AGO4: variants seen among roughly 807,000 people sequenced by gnomAD.
AGO4 encodes the protein argonaute RISC component 4.
AGO4 carries 33 observed loss-of-function variants against 104.7 expected under a neutral mutation model. That is an observed-to-expected ratio of 0.32 (90% confidence interval 0.24 to 0.42). AGO4 has a LOEUF of 0.42. Among genes scored for constraint, AGO4 ranks in the 10% least tolerant of loss-of-function variants. The pLI is 1.00. For missense variants in AGO4, 711 were observed against 1,083.4 expected (o/e 0.66, Z 4.83); for synonymous variants, 331 against 364.7 (o/e 0.91, Z 1.05).
rs1644839529 is a variant in AGO4, at chr1:35,857,438, TG to T, written c.*3834del. On this transcript the variant is annotated 3_prime_UTR_variant, in exon 18 of 18. Transcript: ENST00000373210. ...TTCATTTGACTAATGGTGTGATTTT[TG>T]TTTCTATATTATTAGACCTGTAATG... is the stretch of plus-strand genomic sequence containing the variant. 6.6e-6 allele frequency: 1 copy of T among 152,390 alleles called. No homozygotes were observed. The highest frequency in any genetic ancestry group is 1.9e-4 in the East Asian group (1 of 5,192). The allele number at this position is 152,390 out of a possible 1,614,324, so 9.4% of individuals were successfully genotyped here. A position where few individuals can be genotyped will look rare whatever the true frequency, so the allele number is the denominator to read the frequency against.
chr1:35,825,337 G>A lies in AGO4; in HGVS notation c.331G>A (p.Gly111Ser). 6.2e-7 allele frequency: 1 copy of A among 1,614,050 alleles called. No individual in the cohort carries two copies. Among genetic ancestry groups the A allele is most frequent in the Non-Finnish European group, 8.5e-7 (1 of 1,179,974 alleles). ...GGTTGATATGGAGGTGACTCTTCCA[G>A]GCGAGGGTAAAGACCAAACATTTAA... ...DRVDMEVTLP[G>S]EGKDQTFKVS... The change falls in exon 4 of 18, where the codon GGC becomes AGC. Residue 111 changes from glycine to serine, a missense_variant. Gly to Ser is a moderately conservative substitution (Grantham distance 56, BLOSUM62 0). This residue lies in a region of AGO4 where 308 missense variants were observed against 397.8 expected (regional missense o/e 0.77). Transcript: ENST00000373210.
At chr1:35,846,588 C>T (rs1321757945) in intron 15 of AGO4, among the ~76,000 whole-genome samples, 1 of 131,004 alleles carries the variant, frequency 7.6e-6, no homozygotes, top group Non-Finnish European at 1.6e-5. Flanking sequence ...CAGAGTGAGA[C>T]TCCATCTCAA....
In AGO4 at chr1:35,841,633, A is replaced by C; in HGVS notation, c.2058A>C (p.Leu686=). 6.2e-7 allele frequency: 1 copy of C among 1,614,066 alleles called. No homozygotes were observed. The highest frequency in any genetic ancestry group is 1.1e-5 in the South Asian group (1 of 91,080). ...GQMKQVAWPE[L]IAIRKACISL... ...TCTTCTAGGTAGCTTGGCCAGAACT[A>C]ATAGCAATTCGAAAGGCATGTATTA... The change falls in exon 15 of 18, where the codon CTA becomes CTC. Residue 686 remains leucine, a synonymous_variant. Coordinates refer to ENST00000373210, the MANE Select transcript of AGO4 (RefSeq NM_017629.4). The surrounding 1 kb of genome is among the most constrained non-coding windows in gnomAD (Gnocchi z 4.7).
At chr1:35,846,454 G>T (rs1306223382) in intron 15 of AGO4, among the ~76,000 whole-genome samples, 1 of 151,858 alleles carries the variant, frequency 6.6e-6, no homozygotes, top group Non-Finnish European at 1.5e-5. Flanking sequence ...AAAATTAGCC[G>T]GATGTGGTGG....
intron 2 of AGO4, among the ~76,000 whole-genome samples, chr1:35,820,036 G>C (rs1289966972): frequency 6.6e-6 from 1 of 152,166 alleles, no homozygotes; most frequent in Non-Finnish European, 1.5e-5. Flanking sequence ...GGAAGTATCA[G>C]CAGGAAGATT....
At chr1:35,814,116 A>T (rs1223420702) in intron 1 of AGO4, among the ~76,000 whole-genome samples, 2 of 151,482 alleles carry the variant, frequency 1.3e-5, no homozygotes, top group Non-Finnish European at 2.9e-5. Flanking sequence ...GAGAGAGAGA[A>T]AAAAGGAAGG....
At chr1:35,840,771 C>T (rs1244056709) in intron 13 of AGO4, among the ~76,000 whole-genome samples, 1 of 152,192 alleles carries the variant, frequency 6.6e-6, no homozygotes, top group African/African-American at 2.4e-5. Flanking sequence ...GCAGGCGCTG[C>T]CACGCTGGGC....
Position 35,808,897 on chromosome 1 carries a change from C to A in AGO4, c.19+462C>A, listed in dbSNP as rs1318344312. Among the ~76,000 whole-genome samples, 2 of 152,198 alleles carry A rather than the reference C, an allele frequency of 1.3e-5. No homozygotes were observed. The highest frequency in any genetic ancestry group is 2.9e-5 in the Non-Finnish European group (2 of 68,044). On this transcript the variant is annotated intron_variant, in intron 1 of 17. Transcript: ENST00000373210. This position sits in a 1 kb window ranked among gnomAD's most constrained non-coding sequence, Gnocchi z 5.2. ...CTTTGCACTGGCAGATGGTCCAGAGCCTTCAGATGAGGAAGAAGAACTTCA... is the reference window on the plus strand; with the variant it reads ...CTTTGCACTGGCAGATGGTCCAGAGACTTCAGATGAGGAAGAAGAACTTCA...
intron 2 of AGO4, among the ~76,000 whole-genome samples, chr1:35,821,511 T>C (rs547580795): frequency 2.6e-4 from 39 of 152,350 alleles, no homozygotes; most frequent in African/African-American, 8.9e-4. Context: ...TCTTAAACTC[T>C]ATACACCAGT....
At chr1:35,850,371 G>C in intron 16 of AGO4, 113 bp downstream of exon 16, 1 of 835,364 alleles carries the variant, frequency 1.2e-6, no homozygotes, top group South Asian at 1.4e-5. Flanking sequence ...GTTAATGCTT[G>C]TATCCTAGAA....
chr1:35,808,781 G>T lies in AGO4; in HGVS notation c.19+346G>T, dbSNP rs1045997474. Among the ~76,000 whole-genome samples, 1 of 152,216 alleles carries T rather than the reference G, an allele frequency of 6.6e-6. No individual in the cohort carries two copies. The highest frequency in any genetic ancestry group is 6.5e-5 in the Admixed American group (1 of 15,292). On this transcript the variant is annotated intron_variant, in intron 1 of 17. Transcript: ENST00000373210. The surrounding 1 kb of genome is among the most constrained non-coding windows in gnomAD (Gnocchi z 5.2). ...TCAGAAGGGGGCGATCCGCTACCCA[G>T]TGCGCGCGGAGGCCTGGCCCAGACC...
intron 1 of AGO4, among the ~76,000 whole-genome samples, chr1:35,809,719 T>C (rs961416309): frequency 2.0e-5 from 3 of 152,196 alleles, no homozygotes; most frequent in African/African-American, 7.2e-5. Flanking sequence ...AATGTAATAG[T>C]TGTATGACCC....
chr1:35,853,465 C>CTTTGTTTTGT (rs762527784), intron 17 of AGO4, 32 bp from the exon 18 acceptor site: 1 of 1,544,226 alleles, frequency 6.5e-7, no homozygotes, highest in Non-Finnish European at 8.8e-7. Flanking sequence ...GTTTGTTTTG[C>CTTTGTTTTGT]TTTGTTTTGT....
At chr1:35,807,996 C>G (rs1267508600), upstream of AGO4, among the ~76,000 whole-genome samples, 2 of 151,192 alleles carry the variant, frequency 1.3e-5, no homozygotes, top group Non-Finnish European at 3.0e-5. Context: ...CCGGGCTCTG[C>G]ACCCTCCGGG....
chr1:35,829,603 G>A (rs958183271), intron 7 of AGO4, among the ~76,000 whole-genome samples: 2 of 151,950 alleles, frequency 1.3e-5, no homozygotes, highest in Middle Eastern at 3.2e-3. Flanking sequence ...TTGGGAGGCC[G>A]AGGCAGGCAG....
chr1:35,813,453 G>A (rs1312387632), intron 1 of AGO4, among the ~76,000 whole-genome samples: 1 of 149,936 alleles, frequency 6.7e-6, no homozygotes, highest in African/African-American at 2.5e-5. Flanking sequence ...ATGTGCTTTT[G>A]CTTCATTGAA....
At chr1:35,850,617 TAAAAAAAAC>T (rs376311094) in intron 16 of AGO4, among the ~76,000 whole-genome samples, 17 of 150,354 alleles carry the variant, frequency 1.1e-4, no homozygotes, top group African/African-American at 4.2e-4. Context: ...CCATCTCTAC[TAAAAAAAAC>T]AAAAATTATC....
chr1:35,850,312 T>A, intron 16 of AGO4, 54 bp downstream of exon 16: 2 of 1,326,718 alleles, frequency 1.5e-6, no homozygotes. Flanking sequence ...GTTTGCAAAT[T>A]CAGCAACTAG....
intron 2 of AGO4, among the ~76,000 whole-genome samples, chr1:35,822,401 A>G (rs568716683): frequency 2.0e-5 from 3 of 151,916 alleles, no homozygotes; most frequent in East Asian, 1.9e-4. Flanking sequence ...GATTACAGGC[A>G]CGTGCCACCA....
Sources: gnomAD v4.1 joint callset for allele counts (sites outside exome capture counted in the v4.1 genomes callset) on GRCh38, gnomAD v4.1.1 for gene constraint, gnomAD v4.1.1 regional missense constraint, Gnocchi (gnomAD v3.1) non-coding constraint, MANE v1.5 for transcripts, NCBI Gene and HGNC (gene_info 2026-07-23, HGNC 2026-07-21) for gene names.